The following PTPRD variants were observed in gnomAD, a reference collection of about 807,000 sequenced individuals.
PTPRD encodes receptor-type tyrosine-protein phosphatase delta.
In PTPRD, 34 loss-of-function variants were observed where a neutral mutation model predicts 214.5. The observed-to-expected ratio is 0.16, with a 90% CI of 0.12 to 0.21. The LOEUF (loss-of-function observed/expected upper bound fraction) is 0.21. Among genes scored for constraint, PTPRD ranks in the 10% least tolerant of loss-of-function variants. The probability of loss-of-function intolerance (pLI) is 1.00; values close to 1 mark genes in which losing one functional copy is unlikely to be tolerated. For missense variants in PTPRD, 2,545 were observed against 2,398.7 expected (o/e 1.06, Z -1.27); for synonymous variants, 1,128 against 845.7 (o/e 1.33, Z -5.79).
intron 10 of PTPRD, among the ~76,000 whole-genome samples, chr9:9,072,652 C>A (rs2154410952): frequency 6.6e-6 from 1 of 152,294 alleles, no homozygotes; most frequent in East Asian, 1.9e-4. Context: ...TATCATGTCA[C>A]TGAGTCTTCA....
At chr9:8,672,671 C>T (rs972501927) in intron 12 of PTPRD, among the ~76,000 whole-genome samples, 10 of 152,080 alleles carry the variant, frequency 6.6e-5, no homozygotes, top group African/African-American at 2.4e-4. Context: ...AGCACCACTT[C>T]ACAAATAGAT....
chr9:9,649,479 T>C (rs529583483), intron 7 of PTPRD, among the ~76,000 whole-genome samples: 5 of 152,274 alleles, frequency 3.3e-5, no homozygotes, highest in East Asian at 3.9e-4. Flanking sequence ...AACTGCATGA[T>C]CTTAAAATGA....
rs548025904 is a variant in PTPRD, at chr9:10,227,850, T to C, written c.-545+113113A>G. ...TGTTTTCTACCTGAGGCCAGAGTTA[T>C]TATTTGCTTTGTCCGGCCCTACTTG... On this transcript the variant is annotated intron_variant, in intron 3 of 45. Transcript: ENST00000381196. 6.6e-5 allele frequency among the ~76,000 whole-genome samples: 10 copies of C among 152,106 alleles called. No individual in the cohort carries two copies. The East Asian group carries it at 1.4e-3, about 21-fold the overall frequency.
intron 3 of PTPRD, among the ~76,000 whole-genome samples, chr9:10,216,689 T>A (rs1307003320): frequency 6.6e-6 from 1 of 152,040 alleles, no homozygotes; most frequent in South Asian, 2.1e-4. Flanking sequence ...CTGTTCACAA[T>A]AGAGCTCTCT....
At chr9:10,160,015 C>T (rs1424067479) in intron 3 of PTPRD, among the ~76,000 whole-genome samples, 1 of 151,950 alleles carries the variant, frequency 6.6e-6, no homozygotes, top group Admixed American at 6.6e-5. Flanking sequence ...ACAGAAAGGA[C>T]TCAATTCTTC....
intron 5 of PTPRD, among the ~76,000 whole-genome samples, chr9:9,842,319 T>TTTC (rs1192764552): frequency 2.7e-5 from 4 of 148,274 alleles, no homozygotes; most frequent in Non-Finnish European, 6.0e-5. Flanking sequence ...TTTTTTTTTT[T>TTTC]TTTGTCATGG....
chr9:9,105,924 G>T (rs1279720453), intron 10 of PTPRD, among the ~76,000 whole-genome samples: 2 of 152,156 alleles, frequency 1.3e-5, no homozygotes, highest in South Asian at 2.1e-4. Context: ...GTACATTCAG[G>T]GTTGGGAAGT....
chr9:10,027,194 ATATAT>A (rs1200676219), intron 4 of PTPRD, among the ~76,000 whole-genome samples: 3 of 152,204 alleles, frequency 2.0e-5, no homozygotes, highest in African/African-American at 7.2e-5. Flanking sequence ...ATGTGAATGA[ATATAT>A]TATATCATAT....
At chr9:9,369,893 T>C (rs1054778242) in intron 9 of PTPRD, among the ~76,000 whole-genome samples, 2 of 152,178 alleles carry the variant, frequency 1.3e-5, no homozygotes, top group Non-Finnish European at 2.9e-5. Flanking sequence ...CTTGTTTTTG[T>C]CAGGTTTGTC....
intron 7 of PTPRD, among the ~76,000 whole-genome samples, chr9:9,733,183 C>A (rs565618637): frequency 6.6e-6 from 1 of 152,132 alleles, no homozygotes; most frequent in African/African-American, 2.4e-5. Flanking sequence ...TCAACTTATT[C>A]TTCACGTATC....
chr9:9,638,569 C>A (rs945301530), intron 7 of PTPRD, among the ~76,000 whole-genome samples: 4 of 152,174 alleles, frequency 2.6e-5, no homozygotes. Context: ...GAGCCCTCAC[C>A]TGAATCACCC....
At chr9:8,604,435 T>A (rs1026227168) in intron 14 of PTPRD, among the ~76,000 whole-genome samples, 1 of 152,160 alleles carries the variant, frequency 6.6e-6, no homozygotes, top group African/African-American at 2.4e-5. Flanking sequence ...CAGCATGATA[T>A]TTTTTGAGTG....
chr9:10,406,841 T>C (rs2098369799), intron 2 of PTPRD, among the ~76,000 whole-genome samples: 1 of 151,696 alleles, frequency 6.6e-6, no homozygotes, highest in African/African-American at 2.4e-5. Context: ...ATAGAGTCCA[T>C]TTCAATCTCA....
At chr9:9,698,328 T>A (rs2154409738) in intron 7 of PTPRD, among the ~76,000 whole-genome samples, 2 of 152,334 alleles carry the variant, frequency 1.3e-5, no homozygotes, top group Middle Eastern at 6.8e-3. Flanking sequence ...ACTGAGTATC[T>A]TTTCTGCTAA....
chr9:9,654,256 T>C (rs1014831174), intron 7 of PTPRD, among the ~76,000 whole-genome samples: 7 of 152,154 alleles, frequency 4.6e-5, no homozygotes. Flanking sequence ...TGAGAAGCTA[T>C]AAAAATAGTA....
At chr9:10,557,690 G>C (rs1263973805) in intron 2 of PTPRD, among the ~76,000 whole-genome samples, 1 of 152,016 alleles carries the variant, frequency 6.6e-6, no homozygotes, top group Non-Finnish European at 1.5e-5. Context: ...TTTACCCCTG[G>C]ACCAGTCTAC....
rs375377851 is a variant in PTPRD at position 9,739,427 on chromosome 9, G to T, written c.-325-4856C>A. Among the ~76,000 whole-genome samples, 186 of 151,792 alleles carry T rather than the reference G, an allele frequency of 1.2e-3. 1 individual carries two copies. The highest frequency in any genetic ancestry group is 4.1e-3 in the African/African-American group (171 of 41,414). The stretch of plus-strand genomic sequence containing the variant: ...ATTACTTAGAGTGTCTTTTTCTTGC[G>T]CTTCTCATCTTTGCTAAGTTGTATT... On this transcript the variant is annotated intron_variant, in intron 6 of 45. Coordinates refer to ENST00000381196, the MANE Select transcript of PTPRD (RefSeq NM_002839.4).
At chr9:8,452,949 C>G (rs1288408806) in intron 33 of PTPRD, among the ~76,000 whole-genome samples, 1 of 152,154 alleles carries the variant, frequency 6.6e-6, no homozygotes, top group Non-Finnish European at 1.5e-5. Flanking sequence ...TTAGAAATAT[C>G]TACCATCAAT....
intron 3 of PTPRD, among the ~76,000 whole-genome samples, chr9:10,064,251 G>A (rs969458414): frequency 1.3e-5 from 2 of 151,752 alleles, no homozygotes; most frequent in African/African-American, 2.4e-5. Flanking sequence ...GTTTTGAGGG[G>A]CATGACAATG....
Sources: allele counts gnomAD v4.1 joint callset (sites outside exome capture counted in the v4.1 genomes callset), GRCh38; gene constraint gnomAD v4.1.1; transcripts MANE v1.5; gene names NCBI Gene and HGNC (gene_info 2026-07-23, HGNC 2026-07-21).